FBN1: variants seen among roughly 807,000 people sequenced by gnomAD.
FBN1 encodes fibrillin 1, also known as fibrillin-1.
A neutral mutation model predicts 365.1 loss-of-function variants in FBN1; 29 were observed. That is an observed-to-expected ratio of 0.08 (90% CI 0.06 to 0.11). The LOEUF is 0.11. FBN1 is among the 10% of genes least tolerant of loss of function. The pLI, the probability that FBN1 is intolerant of heterozygous loss-of-function variation, is 1.00. For synonymous variants in FBN1, 1,210 were observed against 1,270.5 expected (o/e 0.95, Z 1.01); for missense variants, 2,476 against 3,703.2 (o/e 0.67, Z 8.60).
Position 48,591,413 on chromosome 15 carries a change from T to C in FBN1, c.538+4870A>G, listed in dbSNP as rs73394266. ...GTTGTAATATTACAAGAAAATGATA[T>C]AACTTTCCATGATAACTGCACTAAA... On this transcript the variant is annotated intron_variant, in intron 6 of 65. Transcript: ENST00000316623. 5.9e-3 allele frequency among the ~76,000 whole-genome samples: 899 copies of C among 152,324 alleles called. 9 individuals carry two copies. Among genetic ancestry groups the C allele is most frequent in the African/African-American group, 0.021 (876 of 41,564 alleles).
At chr15:48,430,527 C>A in intron 56 of FBN1, 144 bp downstream of exon 56, 2 of 845,086 alleles carry the variant, frequency 2.4e-6, no homozygotes, top group South Asian at 2.9e-5. Context: ...GGCAAGGGAA[C>A]CACCATGGAG....
At chr15:48,598,405 T>C (rs912465424) in intron 5 of FBN1, among the ~76,000 whole-genome samples, 1 of 152,210 alleles carries the variant, frequency 6.6e-6, no homozygotes, top group Non-Finnish European at 1.5e-5. Flanking sequence ...TGTAGGTTAT[T>C]GATGTTGTTA....
intron 49 of FBN1, 139 bp downstream of exon 49, chr15:48,444,402 G>A (rs2043138014): frequency 4.1e-6 from 4 of 965,966 alleles, no homozygotes; most frequent in Admixed American, 3.5e-5. Context: ...AGAAGGATGA[G>A]ACCATGTCAT....
chr15:48,437,042 G>A lies in FBN1; in HGVS notation c.6415C>T (p.His2139Tyr), dbSNP rs1399470743. The A allele has an allele frequency of 6.2e-7, 1 of 1,613,118 alleles. No individual in the cohort carries two copies. The highest frequency in any genetic ancestry group is 8.5e-7 in the Non-Finnish European group (1 of 1,179,278). The change falls in exon 53 of 66, where the codon CAT becomes TAT. Residue 2139 changes from histidine to tyrosine, a missense_variant. This residue lies in a region of FBN1 where 1,780 missense variants were observed against 2,840.8 expected (regional missense o/e 0.63). Coordinates refer to ENST00000316623, the MANE Select transcript of FBN1 (RefSeq NM_000138.5). The stretch of plus-strand genomic sequence containing the variant: ...CCATCTGTATTGATGCACTGTCCAT[G>A]TTTACAGACATCGGGTTCTTTGCAT... The part of the protein sequence containing the change: ...DECKEPDVCK[H>Y]GQCINTDGSY...
At chr15:48,525,147 C>T (rs1371707891) in intron 9 of FBN1, among the ~76,000 whole-genome samples, 7 of 151,076 alleles carry the variant, frequency 4.6e-5, no homozygotes, top group Non-Finnish European at 1.0e-4. Context: ...AGTGCAGTGG[C>T]GTGATCTCAG....
At chr15:48,425,717 G>A (rs762003473) in intron 59 of FBN1, 22 bp downstream of exon 59, 7 of 1,610,296 alleles carry the variant, frequency 4.3e-6, no homozygotes, top group African/African-American at 2.7e-5. Context: ...TTGAGGATAA[G>A]CCATCAGAAA....
At chr15:48,644,998 CG>C in intron 1 of FBN1, 48 bp from the exon 2 acceptor site, 1 of 346,646 alleles carries the variant, frequency 2.9e-6, no homozygotes, top group Non-Finnish European at 5.0e-6. Context: ...TTCAGGGCAT[CG>C]GGATGCTGAA....
In FBN1 at chr15:48,483,209, A is replaced by G. The variant is rs192063238; in HGVS notation, c.3838+609T>C. On this transcript the variant is annotated intron_variant, in intron 31 of 65. Coordinates refer to ENST00000316623, the MANE Select transcript of FBN1 (RefSeq NM_000138.5). Reference sequence around the variant, plus strand: ...GATGACAGAATTAGGAGACAAAGACACTAAAAGTTGTTATAACTGTATTCC... The same window carrying G: ...GATGACAGAATTAGGAGACAAAGACGCTAAAAGTTGTTATAACTGTATTCC... Among the ~76,000 whole-genome samples, 12 of 152,360 alleles carry G rather than the reference A, an allele frequency of 7.9e-5. No individual in the cohort carries two copies. The East Asian group carries it at 1.7e-3, about 22-fold the overall frequency.
chr15:48,503,989 GA>G, intron 16 of FBN1, 50 bp from the exon 17 acceptor site: 1 of 1,609,454 alleles, frequency 6.2e-7, no homozygotes, highest in Non-Finnish European at 8.5e-7. Flanking sequence ...AAACAGATGA[GA>G]ACCCCCCAAG....
At chr15:48,425,267 T>C in intron 60 of FBN1, 102 bp downstream of exon 60, 1 of 1,516,286 alleles carries the variant, frequency 6.6e-7, no homozygotes, top group Non-Finnish European at 9.2e-7. Flanking sequence ...ACCTCCTGCC[T>C]GTAGAGCAGG....
chr15:48,531,573 A>G (rs8026752), intron 8 of FBN1, among the ~76,000 whole-genome samples: 26,617 of 152,114 alleles, frequency 0.17, 3,679 homozygotes, highest in African/African-American at 0.39. Flanking sequence ...TATACTCATC[A>G]TCTTTCTAGG....
At position 48,497,625 on chromosome 15, in the gene FBN1, G is replaced by A. The variant is rs73392185; in HGVS notation, c.2168-234C>T. On this transcript the variant is annotated intron_variant, in intron 18 of 65. Transcript: ENST00000316623. ...CTTTGCATCTCAGCTGGAACTACAA[G>A]ATAACCAATCCTTAATCAAGCTGAA... Among the ~76,000 whole-genome samples, 2,762 of 152,074 alleles carry A rather than the reference G, an allele frequency of 0.018. 70 individuals carry two copies. Among genetic ancestry groups the A allele is most frequent in the African/African-American group, 0.059 (2,444 of 41,458 alleles).
chr15:48,526,264 TA>T lies in FBN1; in HGVS notation c.863-10del, dbSNP rs748672558. The T allele has an allele frequency of 1.9e-4, 312 of 1,612,326 alleles. No homozygotes were observed. Among genetic ancestry groups the T allele is most frequent in the Non-Finnish European group, 2.6e-4 (301 of 1,178,964 alleles). ...GCTGCATTCATCAATATCTGGAATA[TA>T]AAAAAAAGAATCTCAGCATTTGTAG... On this transcript the variant is annotated splice_polypyrimidine_tract_variant and intron_variant, in intron 8 of 65. Transcript: ENST00000316623.
chr15:48,420,098 C>A (rs2042928345), intron 63 of FBN1, among the ~76,000 whole-genome samples: 1 of 152,162 alleles, frequency 6.6e-6, no homozygotes, highest in East Asian at 1.9e-4. Context: ...GAGTTATTTT[C>A]CCATGACATT....
intron 44 of FBN1, among the ~76,000 whole-genome samples, chr15:48,456,255 C>T (rs1566901464): frequency 6.6e-6 from 1 of 152,208 alleles, no homozygotes; most frequent in African/African-American, 2.4e-5. Context: ...GTAGCAAAGT[C>T]TCTGTCTGGA....
chr15:48,468,835 G>A (rs1056303283), intron 36 of FBN1, among the ~76,000 whole-genome samples: 5 of 149,890 alleles, frequency 3.3e-5, no homozygotes, highest in South Asian at 2.1e-4. Flanking sequence ...TTGGGAGGCC[G>A]AGGCAGGCAG....
At chr15:48,532,453 T>C (rs74949002) in intron 8 of FBN1, among the ~76,000 whole-genome samples, 1 of 152,210 alleles carries the variant, frequency 6.6e-6, no homozygotes, top group East Asian at 1.9e-4. Context: ...TGTGTGTCTA[T>C]ATAAAGATAT....
intron 6 of FBN1, among the ~76,000 whole-genome samples, chr15:48,540,181 CCTTT>C (rs1461706238): frequency 6.6e-5 from 10 of 152,052 alleles, no homozygotes; most frequent in African/African-American, 1.9e-4. Context: ...TTTGGTCTTT[CCTTT>C]CTATTTCAAT....
intron 2 of FBN1, among the ~76,000 whole-genome samples, chr15:48,613,619 T>C (rs767441): frequency 0.13 from 19,689 of 152,014 alleles, 1,349 homozygotes; most frequent in Non-Finnish European, 0.15. Context: ...AACATGTAAA[T>C]ATTTCTTTAG....
Sources: allele counts gnomAD v4.1 joint callset (sites outside exome capture counted in the v4.1 genomes callset), GRCh38; gene constraint gnomAD v4.1.1; regional missense constraint gnomAD v4.1.1; transcripts MANE v1.5; gene names NCBI Gene and HGNC (gene_info 2026-07-23, HGNC 2026-07-21).